The following PACRG variants were observed in gnomAD, a reference collection of about 807,000 sequenced individuals.
The protein encoded by PACRG is parkin coregulated.
A neutral mutation model predicts 29.7 loss-of-function variants in PACRG; 29 were observed. That is an observed-to-expected ratio of 0.98 (90% confidence interval 0.73 to 1.33). PACRG has a LOEUF of 1.33. Ranked by LOEUF, PACRG falls within the 40% of genes most tolerant of loss-of-function variation. PACRG has a pLI of 0.00. For missense variants in PACRG, 279 were observed against 316.2 expected, an observed-to-expected ratio of 0.88 and a Z score of 0.89; for synonymous variants, 116 against 118.7, an observed-to-expected ratio of 0.98 and a Z score of 0.15.
At chr6:162,732,901 C>T (rs149960490) in intron 1 of PACRG, among the ~76,000 whole-genome samples, 64 of 152,310 alleles carry the variant, frequency 4.2e-4, no homozygotes, top group Non-Finnish European at 7.3e-4. Context: ...GATCTAATCC[C>T]ATTCTGTGTT....
chr6:163,236,556 CT>C (rs1249961896), intron 4 of PACRG, among the ~76,000 whole-genome samples: 2 of 148,686 alleles, frequency 1.3e-5, no homozygotes, highest in East Asian at 4.0e-4. Context: ...GGAAATATGA[CT>C]GTGTTACACA....
chr6:162,941,187 A>G (rs1406130172), intron 2 of PACRG, among the ~76,000 whole-genome samples: 1 of 152,070 alleles, frequency 6.6e-6, no homozygotes, highest in African/African-American at 2.4e-5. Context: ...CCCTCATCCC[A>G]CGGACTGTGA....
chr6:162,851,430 T>C (rs1289415097), intron 2 of PACRG, among the ~76,000 whole-genome samples: 1 of 152,220 alleles, frequency 6.6e-6, no homozygotes, highest in Non-Finnish European at 1.5e-5. Flanking sequence ...TGGTAGTCTC[T>C]TAGAGATCTT....
chr6:162,981,128 C>T (rs1272977176), intron 2 of PACRG, among the ~76,000 whole-genome samples: 1 of 151,996 alleles, frequency 6.6e-6, no homozygotes, highest in Non-Finnish European at 1.5e-5. Context: ...TGAGTGATAA[C>T]ATACGATGTT....
At chr6:163,188,212 A>G (rs537909561) in intron 4 of PACRG, among the ~76,000 whole-genome samples, 11 of 152,318 alleles carry the variant, frequency 7.2e-5, no homozygotes, top group Non-Finnish European at 1.3e-4. Flanking sequence ...CATTCTTTGT[A>G]TAGAAAAAGC....
rs187790553 is a variant in PACRG at position 163,192,446 on chromosome 6, C to T, written c.613+103038C>T. Among the ~76,000 whole-genome samples, 10 of 152,210 alleles carry T rather than the reference C, an allele frequency of 6.6e-5. No individual in the cohort carries two copies. In the East Asian group the frequency reaches 1.9e-3, roughly 29 times the overall value. ...GGGCTCGGGGACAAGCTGTATTTTC[C>T]CCTCTGGTTCTTTAGACAGTGAATA... On this transcript the variant is annotated intron_variant, in intron 4 of 4. Transcript: ENST00000366888.
intron 2 of PACRG, among the ~76,000 whole-genome samples, chr6:162,983,252 A>G (rs1802583873): frequency 6.6e-6 from 1 of 152,002 alleles, no homozygotes; most frequent in African/African-American, 2.4e-5. Flanking sequence ...GTGGATTTTT[A>G]TCCATTCTGC....
chr6:162,898,516 C>G (rs915673649), intron 2 of PACRG, among the ~76,000 whole-genome samples: 8 of 152,140 alleles, frequency 5.3e-5, no homozygotes, highest in Non-Finnish European at 8.8e-5. Flanking sequence ...AATGGAAGTG[C>G]TGTGGTGATT....
At chr6:163,070,664 C>G (rs2128278466) in intron 3 of PACRG, among the ~76,000 whole-genome samples, 1 of 151,480 alleles carries the variant, frequency 6.6e-6, no homozygotes, top group Middle Eastern at 3.4e-3. Context: ...AAAACAACCA[C>G]AAAACCAAAA....
intron 4 of PACRG, among the ~76,000 whole-genome samples, chr6:163,237,680 T>C (rs1782308755): frequency 6.6e-6 from 1 of 152,220 alleles, no homozygotes; most frequent in East Asian, 1.9e-4. Context: ...TGAAAAGAAA[T>C]TGAAGCACCA....
intron 2 of PACRG, among the ~76,000 whole-genome samples, chr6:162,927,806 A>AAAGC (rs796451799): frequency 1.3e-4 from 19 of 146,776 alleles, no homozygotes; most frequent in African/African-American, 4.8e-4. Flanking sequence ...TAAAAAAAGC[A>AAAGC]AAGCAAACAA....
At chr6:163,257,071 A>T (rs1265755114) in intron 4 of PACRG, among the ~76,000 whole-genome samples, 1 of 151,852 alleles carries the variant, frequency 6.6e-6, no homozygotes, top group African/African-American at 2.4e-5. Context: ...TCTTATAAGG[A>T]CACAAGTCAT....
At chr6:162,873,532 TG>T (rs1452302927) in intron 2 of PACRG, among the ~76,000 whole-genome samples, 1 of 152,174 alleles carries the variant, frequency 6.6e-6, no homozygotes, top group East Asian at 1.9e-4. Context: ...AGCATAAAAT[TG>T]GCAAAATGTC....
chr6:162,782,502 T>C (rs1051422249), intron 1 of PACRG, among the ~76,000 whole-genome samples: 1 of 151,924 alleles, frequency 6.6e-6, no homozygotes, highest in African/African-American at 2.4e-5. Context: ...GCTATTAGTT[T>C]AGGAAATTCA....
intron 2 of PACRG, among the ~76,000 whole-genome samples, chr6:162,854,915 T>TCTTCCGCC (rs1791245669): frequency 6.6e-6 from 1 of 152,230 alleles, no homozygotes. Flanking sequence ...GAAAAGCGTT[T>TCTTCCGCC]CTTCCGCCCT....
At chr6:162,953,653 A>G (rs1274736157) in intron 2 of PACRG, among the ~76,000 whole-genome samples, 1 of 152,126 alleles carries the variant, frequency 6.6e-6, no homozygotes, top group African/African-American at 2.4e-5. Context: ...ATAGTACTTG[A>G]CTGACAGAGC....
intron 3 of PACRG, among the ~76,000 whole-genome samples, chr6:163,064,136 G>T (rs1413787225): frequency 6.6e-6 from 1 of 151,676 alleles, no homozygotes; most frequent in African/African-American, 2.4e-5. Context: ...GCCTTCTCAG[G>T]GGTCTCTCCC....
At chr6:162,743,720 A>G (rs1780772691) in intron 1 of PACRG, among the ~76,000 whole-genome samples, 1 of 152,128 alleles carries the variant, frequency 6.6e-6, no homozygotes, top group Non-Finnish European at 1.5e-5. Flanking sequence ...GATGTAATTC[A>G]TATACATATA....
chr6:163,068,829 T>C lies in PACRG; in HGVS notation c.463+6508T>C, dbSNP rs1811786703. 1.3e-5 allele frequency among the ~76,000 whole-genome samples: 2 copies of C among 152,168 alleles called. 1 individual carries two copies. Among genetic ancestry groups the C allele is most frequent in the Non-Finnish European group, 2.9e-5 (2 of 68,038 alleles). ...ATTTGGTTCTTTTATGTTTATTCTC[T>C]TATCTCTCTGTGAATATTTATTATA... On this transcript the variant is annotated intron_variant, in intron 3 of 4. Coordinates refer to ENST00000366888, the MANE Select transcript of PACRG (RefSeq NM_001080379.2).
Sources: allele counts gnomAD v4.1 joint callset (sites outside exome capture counted in the v4.1 genomes callset), GRCh38; gene constraint gnomAD v4.1.1; transcripts MANE v1.5; gene names NCBI Gene and HGNC (gene_info 2026-07-23, HGNC 2026-07-21).